GLB1: variants seen among roughly 807,000 people sequenced by gnomAD.
The protein encoded by GLB1 is galactosidase beta 1.
In GLB1, 56 loss-of-function variants were observed where a neutral mutation model predicts 74.0. The ratio of observed to expected loss-of-function variants is 0.76; its 90% CI spans 0.61 to 0.94. The LOEUF (loss-of-function observed/expected upper bound fraction) is 0.94, where lower values mean the gene tolerates loss of function less well. Ranked by LOEUF, GLB1 falls within the 40% of genes least tolerant of loss-of-function variation. The pLI is 0.00. For missense variants in GLB1, 787 were observed against 845.5 expected (o/e 0.93, Z 0.86); for synonymous variants, 323 against 323.6 (o/e 1.00, Z 0.02).
At chr3:32,981,873 C>T in the GLB1 span, among the ~76,000 whole-genome samples, 1 of 152,116 alleles carries the variant, frequency 6.6e-6, no homozygotes, top group African/African-American at 2.4e-5. Context: ...CATCTTTTTA[C>T]TTTCAACCTC....
chr3:33,012,742 T>G (rs1697079884), intron 15 of GLB1, among the ~76,000 whole-genome samples: 1 of 152,214 alleles, frequency 6.6e-6, no homozygotes, highest in Non-Finnish European at 1.5e-5. Context: ...GGTACCATTC[T>G]GCCCAGCTGC....
At chr3:32,992,604 C>T (rs778485887), downstream of GLB1, among the ~76,000 whole-genome samples, 7 of 152,194 alleles carry the variant, frequency 4.6e-5, no homozygotes, top group Admixed American at 2.0e-4. Flanking sequence ...TTCCCTTGCC[C>T]GAGACCATGC....
chr3:33,028,963 A>G (rs9863198), intron 10 of GLB1, among the ~76,000 whole-genome samples: 43,708 of 152,040 alleles, frequency 0.29, 6,752 homozygotes, highest in African/African-American at 0.39. Flanking sequence ...GCGCCTGGTC[A>G]TCATTTACCC....
chr3:33,036,140 C>T (rs1481143102), intron 10 of GLB1, among the ~76,000 whole-genome samples: 1 of 152,206 alleles, frequency 6.6e-6, no homozygotes, highest in African/African-American at 2.4e-5. Flanking sequence ...TTCTGCCTGG[C>T]TCTGGTTCCA....
the GLB1 span, among the ~76,000 whole-genome samples, chr3:32,974,774 TCTTA>T: frequency 1.3e-5 from 2 of 152,192 alleles, no homozygotes; most frequent in African/African-American, 4.8e-5. Context: ...AGGAGTCCCC[TCTTA>T]CTTACGAAAG....
chr3:33,015,683 G>A (rs532357792), intron 14 of GLB1, among the ~76,000 whole-genome samples: 11 of 152,210 alleles, frequency 7.2e-5, no homozygotes, highest in Non-Finnish European at 1.3e-4. Context: ...CAGGCAGGAG[G>A]CCATGAAGTC....
chr3:33,096,376 C>T (rs1400391459), intron 1 of GLB1: 1 of 981,756 alleles, frequency 1.0e-6, no homozygotes, highest in Non-Finnish European at 1.2e-6. Flanking sequence ...TCAACGATGG[C>T]ATCCCCCGGC....
intron 10 of GLB1, among the ~76,000 whole-genome samples, chr3:33,029,102 C>A (rs1697899111): frequency 6.6e-6 from 1 of 152,098 alleles, no homozygotes; most frequent in Non-Finnish European, 1.5e-5. Flanking sequence ...TGATGATTTT[C>A]ATTGATACTA....
At chr3:33,030,588 G>A in intron 10 of GLB1, 1 of 985,320 alleles carries the variant, frequency 1.0e-6, no homozygotes, top group Admixed American at 6.2e-5. Flanking sequence ...CAATCAGCCA[G>A]TGTAGACAAA....
At chr3:33,062,851 T>C (rs1352805247) in intron 5 of GLB1, among the ~76,000 whole-genome samples, 2 of 152,196 alleles carry the variant, frequency 1.3e-5, no homozygotes. Context: ...TTCCTTCTTA[T>C]CAAAGCAATC....
the GLB1 span, among the ~76,000 whole-genome samples, chr3:32,982,237 C>T: frequency 2.0e-5 from 3 of 147,510 alleles, no homozygotes; most frequent in South Asian, 2.2e-4. Context: ...CTCTTGAACC[C>T]GGGAGGTGGA....
At chr3:33,058,052 A>AT in intron 6 of GLB1, 37 bp downstream of exon 6, 1 of 1,612,198 alleles carries the variant, frequency 6.2e-7, no homozygotes, top group Non-Finnish European at 8.5e-7. Context: ...TAAAAAGCTG[A>AT]TTTTAAGCTG....
chr3:32,961,240 G>A, the GLB1 span, among the ~76,000 whole-genome samples: 88 of 152,356 alleles, frequency 5.8e-4, no homozygotes, highest in African/African-American at 2.0e-3. Context: ...AACTCCATTT[G>A]CACCAGACTT....
chr3:33,012,527 GGTGCCCTGATATT>G (rs1697071151), intron 15 of GLB1, among the ~76,000 whole-genome samples: 1 of 152,206 alleles, frequency 6.6e-6, no homozygotes, highest in African/African-American at 2.4e-5. Flanking sequence ...CAAATCTACT[GGTGCCCTGATATT>G]GAAGACTTCC....
Position 33,072,540 on chromosome 3 carries a change from T to G in GLB1, c.245+4A>C, listed in dbSNP as rs1439748905. 2.5e-6 allele frequency: 4 copies of G among 1,612,992 alleles called. No homozygotes were observed. Among genetic ancestry groups the G allele is most frequent in the Non-Finnish European group, 3.4e-6 (4 of 1,179,992 alleles). On this transcript the variant is annotated splice_donor_region_variant and intron_variant, in intron 2 of 15. Transcript: ENST00000307363. ...AGGTGAGAGCCACATGCCCTCCTAC[T>G]TACGTCTGGATGGCGTTCAGCCCAG...
At chr3:33,027,793 T>C (rs1361125904) in intron 10 of GLB1, among the ~76,000 whole-genome samples, 1 of 151,870 alleles carries the variant, frequency 6.6e-6, no homozygotes, top group Non-Finnish European at 1.5e-5. Flanking sequence ...AAAAATAAAA[T>C]ATAAAATAAA....
intron 10 of GLB1, among the ~76,000 whole-genome samples, chr3:33,026,559 G>A (rs1221791073): frequency 6.6e-6 from 1 of 152,154 alleles, no homozygotes; most frequent in African/African-American, 2.4e-5. Flanking sequence ...CGAAGCCTGG[G>A]GTTCGGGCCA....
chr3:32,979,166 G>T, the GLB1 span, among the ~76,000 whole-genome samples: 1 of 151,774 alleles, frequency 6.6e-6, no homozygotes, highest in Non-Finnish European at 1.5e-5. Context: ...AGTAGAGATG[G>T]GGTTTCTCCA....
At chr3:33,051,213 G>A (rs113931412) in intron 9 of GLB1, among the ~76,000 whole-genome samples, 11,160 of 131,006 alleles carry the variant, frequency 0.085, 1,009 homozygotes, top group East Asian at 0.48. Context: ...CAGCCTGGGC[G>A]ACAGAGCGAG....
Sources: allele counts gnomAD v4.1 joint callset (sites outside exome capture counted in the v4.1 genomes callset), GRCh38; gene constraint gnomAD v4.1.1; transcripts MANE v1.5; gene names NCBI Gene and HGNC (gene_info 2026-07-23, HGNC 2026-07-21).